Variants in BOD1L1 observed in about 807,000 individuals in gnomAD.
BOD1L1 encodes biorientation of chromosomes in cell division protein 1-like 1.
A neutral mutation model predicts 240.7 loss-of-function variants in BOD1L1; 86 were observed. That is an observed-to-expected ratio of 0.36 (90% confidence interval 0.30 to 0.43). The LOEUF (loss-of-function observed/expected upper bound fraction) is 0.43, where lower values mean the gene tolerates loss of function less well. Among genes scored for constraint, BOD1L1 ranks in the 20% least tolerant of loss-of-function variants. The probability of loss-of-function intolerance (pLI) is 1.00; values close to 1 mark genes in which losing one functional copy is unlikely to be tolerated. For synonymous variants in BOD1L1, 1,268 were observed against 1,272.3 expected, an observed-to-expected ratio of 1.00 and a Z score of 0.07; for missense variants, 3,554 against 3,643.5, an observed-to-expected ratio of 0.98 and a Z score of 0.63.
At chr4:13,617,082 T>C (rs976093610) in intron 2 of BOD1L1, among the ~76,000 whole-genome samples, 3 of 151,740 alleles carry the variant, frequency 2.0e-5, no homozygotes, top group Non-Finnish European at 2.9e-5. Flanking sequence ...TCATCTCTCC[T>C]AAAAATACAA....
Position 13,601,338 on chromosome 4 carries a change from A to G in BOD1L1, c.5562T>C (p.Ile1854=). 1 of 1,614,022 alleles carries G rather than the reference A, an allele frequency of 6.2e-7. No individual in the cohort carries two copies. Among genetic ancestry groups the G allele is most frequent in the Non-Finnish European group, 8.5e-7 (1 of 1,179,900 alleles). The change falls in exon 10 of 26, where the codon ATT becomes ATC. Residue 1854 remains isoleucine (I), a synonymous_variant. Transcript: ENST00000040738. The stretch of plus-strand genomic sequence containing the variant: ...CCTCTTTTGCGCCTGTGCTAGTCAC[A>G]ATGCCTTCATCATCACAAGGACCAG... ...VAAGPCDDEG[I]VTSTGAKEED... is the part of the protein sequence containing the mutation.
chr4:13,572,984 A>T (rs1712340214), intron 25 of BOD1L1: 1 of 558,116 alleles, frequency 1.8e-6, no homozygotes, highest in Admixed American at 3.9e-5. Flanking sequence ...TTTCCTGACC[A>T]CTGCTGATAA....
chr4:13,594,384 A>G (rs1002695032), intron 12 of BOD1L1, among the ~76,000 whole-genome samples: 1 of 152,212 alleles, frequency 6.6e-6, no homozygotes, highest in African/African-American at 2.4e-5. Flanking sequence ...TTGTAATACA[A>G]ATTAGAAATA....
intron 5 of BOD1L1, among the ~76,000 whole-genome samples, chr4:13,612,482 G>C (rs1273614732): frequency 6.6e-6 from 1 of 152,146 alleles, no homozygotes; most frequent in Admixed American, 6.6e-5. Context: ...GTCTCTCTGT[G>C]ACTTTGTCTC....
At chr4:13,595,250 T>C (rs1221052722) in intron 12 of BOD1L1, among the ~76,000 whole-genome samples, 1 of 152,238 alleles carries the variant, frequency 6.6e-6, no homozygotes, top group Non-Finnish European at 1.5e-5. Context: ...GTATAAGCCA[T>C]ATAACAAAAT....
rs1306520934 is a variant in BOD1L1, at chr4:13,614,774, T to C, written c.596A>G (p.Asn199Ser). ...GGTTTCCAATATCGACATGGCATCATTGGCTACATTAGCACTGGGCCCAGG... is the reference window on the plus strand; with the variant it reads ...GGTTTCCAATATCGACATGGCATCACTGGCTACATTAGCACTGGGCCCAGG... ...PTPGPSANVA[N>S]DAMSILETIT... The change falls in exon 4 of 26, where the codon AAT becomes AGT. Residue 199 changes from asparagine (N) to serine (S), a missense_variant. Physicochemically the swap from Asn to Ser is conservative, Grantham distance 46 (BLOSUM62 1). Coordinates refer to ENST00000040738, the MANE Select transcript of BOD1L1 (RefSeq NM_148894.3). The C allele has an allele frequency of 1.4e-5, 23 of 1,613,572 alleles. No individual in the cohort carries two copies. The highest frequency in any genetic ancestry group is 1.9e-5 in the Non-Finnish European group (22 of 1,179,772).
In BOD1L1 at chr4:13,590,380, A is replaced by G. The variant is rs1355605353; in HGVS notation, c.8209+6T>C. On this transcript the variant is annotated splice_donor_region_variant and intron_variant, in intron 14 of 25. Coordinates refer to ENST00000040738, the MANE Select transcript of BOD1L1 (RefSeq NM_148894.3). ...AAAACTATAACTATGAAATTCATTA[A>G]CTTACCTCCTTTGTTATAAGATTCG... The G allele has an allele frequency of 3.4e-6, 5 of 1,459,260 alleles. No individual in the cohort carries two copies. Among genetic ancestry groups the G allele is most frequent in the African/African-American group, 1.4e-5 (1 of 70,284 alleles). The allele number at this position is 1,459,260 out of a possible 1,614,324, so 90.4% of individuals were successfully genotyped here.
chr4:13,603,535 A>T lies in BOD1L1; in HGVS notation c.3365T>A (p.Ile1122Asn), dbSNP rs1475283087. 1 of 1,613,992 alleles carries T rather than the reference A, an allele frequency of 6.2e-7. No homozygotes were observed. The highest frequency in any genetic ancestry group is 1.1e-5 in the South Asian group (1 of 91,086). The stretch of plus-strand genomic sequence containing the variant: ...ATTTTCAACACCTGGCTCAGAATCA[A>T]TTTCCATTGGCTCTTGTTCAGGGAT... Reference protein sequence around the residue: ...TLIPEQEPMEIDSEPGVENVF... With the variant: ...TLIPEQEPMENDSEPGVENVF... The change falls in exon 10 of 26, where the codon ATT (isoleucine) becomes AAT (asparagine). Residue 1122 changes from isoleucine to asparagine, a missense_variant. Around this residue, in one of 2 missense-constraint regions of BOD1L1, gnomAD observed 3,393 missense variants for 3,427.1 expected, o/e 0.99. Transcript: ENST00000040738.
rs16888888 is a variant in BOD1L1, at chr4:13,610,836, G to T, written c.1491+98C>A. The T allele has an allele frequency of 3.0e-4, 309 of 1,022,674 alleles. 1 individual carries two copies. The African/African-American group carries it at 4.8e-3, about 16-fold the overall frequency. 63.3% of individuals were successfully genotyped at this position (1,022,674 alleles called of 1,614,324 possible). ...AGTTTCCTGAAGGCAAATCCTGTATGTCTCTGCTTCATATGCACATCAGTA... is the reference window on the plus strand; with the variant it reads ...AGTTTCCTGAAGGCAAATCCTGTATTTCTCTGCTTCATATGCACATCAGTA... On this transcript the variant is annotated intron_variant, in intron 6 of 25. Coordinates refer to ENST00000040738, the MANE Select transcript of BOD1L1 (RefSeq NM_148894.3).
At chr4:13,579,689 T>C (rs1358950897) in intron 22 of BOD1L1, among the ~76,000 whole-genome samples, 1 of 152,234 alleles carries the variant, frequency 6.6e-6, no homozygotes, top group East Asian at 1.9e-4. Flanking sequence ...ATCAACATTT[T>C]GGAATATATT....
intron 1 of BOD1L1, among the ~76,000 whole-genome samples, chr4:13,622,557 A>C (rs896047505): frequency 1.3e-5 from 2 of 152,198 alleles, no homozygotes; most frequent in African/African-American, 4.8e-5. Flanking sequence ...TCTACTTCAC[A>C]TGCATACTAT....
chr4:13,586,717 T>C (rs1332852282), intron 16 of BOD1L1, among the ~76,000 whole-genome samples: 1 of 152,134 alleles, frequency 6.6e-6, no homozygotes, highest in East Asian at 1.9e-4. Flanking sequence ...ACCAATGAAG[T>C]AGTGGGTTCT....
intron 12 of BOD1L1, chr4:13,592,172 C>T: frequency 2.0e-6 from 1 of 504,858 alleles, no homozygotes; most frequent in Non-Finnish European, 3.5e-6. Context: ...AAAAAGACAA[C>T]ATAAATTAAT....
chr4:13,600,639 T>C lies in BOD1L1; in HGVS notation c.6261A>G (p.Ala2087=), dbSNP rs780575531. 1 of 1,613,946 alleles carries C rather than the reference T, an allele frequency of 6.2e-7. No homozygotes were observed. The highest frequency in any genetic ancestry group is 8.5e-7 in the Non-Finnish European group (1 of 1,179,874). The change falls in exon 10 of 26, where the codon GCA becomes GCG. Residue 2087 remains alanine (A), a synonymous_variant. Transcript: ENST00000040738. ...TTNDYTPQVS[A]ITDVEGGLSD... is the part of the protein sequence containing the mutation. ...AGAGACCTCCTTCCACATCTGTAAT[T>C]GCGCTTACCTGAGGGGTGTAATCAT...
At chr4:13,627,237 C>T in intron 1 of BOD1L1, 108 bp downstream of exon 1, 4 of 487,006 alleles carry the variant, frequency 8.2e-6, no homozygotes, top group Non-Finnish European at 1.2e-5. Flanking sequence ...GTGCTTTGCA[C>T]AGTCCGTGGC....
Position 13,604,097 on chromosome 4 carries a change from G to T in BOD1L1, c.2803C>A (p.Gln935Lys). ...ETELQEGATKQATTPKPDKEK... is the reference protein window; with the variant it reads ...ETELQEGATKKATTPKPDKEK... ...TTGTCTGGTTTTGGAGTGGTTGCCT[G>T]TTTTGTGGCACCTTCTTGTAATTCT... The change falls in exon 10 of 26, where the codon CAG becomes AAG. Residue 935 changes from glutamine to lysine, a missense_variant. This residue lies in a region of BOD1L1 where 3,393 missense variants were observed against 3,427.1 expected (regional missense o/e 0.99). Transcript: ENST00000040738. 1 of 1,613,690 alleles carries T rather than the reference G, an allele frequency of 6.2e-7. No homozygotes were observed. Among genetic ancestry groups the T allele is most frequent in the African/African-American group, 1.3e-5 (1 of 75,044 alleles).
At chr4:13,615,687 T>C (rs1293865029) in intron 2 of BOD1L1, among the ~76,000 whole-genome samples, 185 bp from the exon 3 acceptor site, 1 of 152,222 alleles carries the variant, frequency 6.6e-6, no homozygotes, top group Admixed American at 6.5e-5. Flanking sequence ...CATTTAGATA[T>C]ACCATACTAT....
At chr4:13,588,619 A>G in intron 15 of BOD1L1, 103 bp downstream of exon 15, 1 of 869,488 alleles carries the variant, frequency 1.2e-6, no homozygotes, top group Non-Finnish European at 1.7e-6. Context: ...CCCATTTAAT[A>G]TTTAATTTAT....
chr4:13,601,418 T>C lies in BOD1L1; in HGVS notation c.5482A>G (p.Ser1828Gly), dbSNP rs1715145940. 6.2e-7 allele frequency: 1 copy of C among 1,614,022 alleles called. No individual in the cohort carries two copies. Among genetic ancestry groups the C allele is most frequent in the Non-Finnish European group, 8.5e-7 (1 of 1,179,894 alleles). The part of the protein sequence containing the change: ...ISSESEENGE[S>G]AMDSTVAKEG... ...TTGGCCACTGTGCTGTCCATTGCAC[T>C]CTCTCCATTTTCTTCCGATTCAGAA... The change falls in exon 10 of 26, where the codon AGT (serine) becomes GGT (glycine). Residue 1828 changes from serine (S) to glycine (G), a missense_variant. Transcript: ENST00000040738.
Sources: allele counts gnomAD v4.1 joint callset (sites outside exome capture counted in the v4.1 genomes callset), GRCh38; gene constraint gnomAD v4.1.1; regional missense constraint gnomAD v4.1.1; transcripts MANE v1.5; gene names NCBI Gene and HGNC (gene_info 2026-07-23, HGNC 2026-07-21).